CRELD2: variants seen among roughly 807,000 people sequenced by gnomAD.
The protein encoded by CRELD2 is CRELD disulfide isomerase 2.
CRELD2 carries 33 observed loss-of-function variants against 48.1 expected under a neutral mutation model. The observed-to-expected ratio is 0.69, with a 90% CI of 0.52 to 0.92. CRELD2 has a LOEUF of 0.92. CRELD2 is among the 40% of genes least tolerant of loss of function. The probability of loss-of-function intolerance (pLI) is 0.00; values close to 1 mark genes in which losing one functional copy is unlikely to be tolerated. For missense variants in CRELD2, 477 were observed against 482.4 expected (o/e 0.99, Z 0.10); for synonymous variants, 220 against 203.9 (o/e 1.08, Z -0.67).
In CRELD2 at chr22:49,922,995, G is replaced by A. The variant is rs148937327; in HGVS notation, c.689-239G>A. Among the ~76,000 whole-genome samples, 1,467 of 150,910 alleles carry A rather than the reference G, an allele frequency of 9.7e-3. 14 individuals carry two copies. The highest frequency in any genetic ancestry group is 0.068 in the South Asian group (321 of 4,740). On this transcript the variant is annotated intron_variant, in intron 6 of 9. Coordinates refer to ENST00000328268, the MANE Select transcript of CRELD2 (RefSeq NM_024324.5). Reference sequence around the variant, plus strand: ...CAATGTGTCGCCATCCTCATGGGGCGCCTGCCCCGGTTGGCACTGAGTGTC... The same window carrying A: ...CAATGTGTCGCCATCCTCATGGGGCACCTGCCCCGGTTGGCACTGAGTGTC...
chr22:49,918,680 G>T lies in CRELD2; in HGVS notation c.-90G>T, dbSNP rs1039861090. 4.1e-5 allele frequency: 18 copies of T among 435,088 alleles called. No individual in the cohort carries two copies. The East Asian group carries it at 5.2e-4, about 13-fold the overall frequency. The allele number at this position is 435,088 out of a possible 1,614,324, so 27.0% of individuals were successfully genotyped here. ...AGTAGCCTGGGGGACAGGCCGGCGC[G>T]GCTGGGAGCGGGTGGGCGGCCGGGA... On this transcript the variant is annotated 5_prime_UTR_variant, in exon 1 of 10. Transcript: ENST00000328268.
At chr22:49,920,985 CAT>C (rs1185594918) in intron 4 of CRELD2, among the ~76,000 whole-genome samples, 1 of 152,250 alleles carries the variant, frequency 6.6e-6, no homozygotes, top group East Asian at 1.9e-4. Context: ...AAAGTGCAGT[CAT>C]GTGTAACGAC....
At position 49,924,423 on chromosome 22, in the gene CRELD2, C is replaced by A. The variant is rs144134058; in HGVS notation, c.836C>A (p.Ser279Tyr). ...CCAGGAAACTGTAAAGAGTGTATCT[C>A]TGGCTACGCGAGGGAGCACGGACAG... ...EGPGNCKECI[S>Y]GYAREHGQCA... Residue 279 changes from serine to tyrosine, a missense_variant, in exon 8 of 10, where the codon TCT (serine) becomes TAT (tyrosine). Ser to Tyr is a moderately radical substitution (Grantham distance 144). Transcript: ENST00000328268. 17 of 1,611,728 alleles carry A rather than the reference C, an allele frequency of 1.1e-5. No homozygotes were observed. The African/African-American group carries it at 2.3e-4, about 21-fold the overall frequency.
intron 7 of CRELD2, chr22:49,924,129 G>C (rs2060732035): frequency 4.8e-6 from 2 of 417,546 alleles, no homozygotes; most frequent in Admixed American, 7.9e-5. Context: ...TTCTCCCAAA[G>C]AGTTCCAAGC....
intron 5 of CRELD2, chr22:49,922,323 C>A (rs73891177): frequency 8.1e-7 from 1 of 1,236,938 alleles, no homozygotes; most frequent in Admixed American, 2.0e-5. Flanking sequence ...CGATTCTTAC[C>A]CGCCTTGCTG....
intron 9 of CRELD2, among the ~76,000 whole-genome samples, 163 bp from the exon 10 acceptor site, chr22:49,927,092 G>A (rs1320405218): frequency 1.3e-5 from 2 of 151,114 alleles, no homozygotes; most frequent in African/African-American, 4.9e-5. Context: ...CATCTGCTTT[G>A]TGGGAAACGG....
intron 9 of CRELD2, 30 bp from the exon 10 acceptor site, chr22:49,927,225 C>A: frequency 1.2e-6 from 2 of 1,608,300 alleles, no homozygotes; most frequent in South Asian, 1.1e-5. Context: ...TTGTGCTCAG[C>A]CTTGACGACC....
Position 49,924,192 on chromosome 22 carries a change from G to A in CRELD2, c.773-168G>A, listed in dbSNP as rs1395185170. The A allele has an allele frequency of 2.5e-5, 14 of 556,034 alleles. 1 individual carries two copies. The South Asian group carries it at 2.8e-4, about 11-fold the overall frequency. The allele number at this position is 556,034 out of a possible 1,614,324, so 34.4% of individuals were successfully genotyped here. On this transcript the variant is annotated intron_variant, in intron 7 of 9. Coordinates refer to ENST00000328268, the MANE Select transcript of CRELD2 (RefSeq NM_024324.5). Reference sequence around the variant, plus strand: ...GAGCACCTGCTGCACAGCAGGACGCGAGTCTGTGCTTTTGCCGGGAGACAG... The same window carrying A: ...GAGCACCTGCTGCACAGCAGGACGCAAGTCTGTGCTTTTGCCGGGAGACAG...
rs1284232250 is a variant in CRELD2, at chr22:49,925,685, G to A, written c.1009+128G>A. Reference sequence around the variant, plus strand: ...TGAGATGGTGAGAGGGGGATTCCCGGAAGACAGGTGCATGACATCTCTGTG... The same window carrying A: ...TGAGATGGTGAGAGGGGGATTCCCGAAAGACAGGTGCATGACATCTCTGTG... On this transcript the variant is annotated intron_variant, in intron 9 of 9. Transcript: ENST00000328268. The A allele has an allele frequency of 5.9e-6, 9 of 1,517,418 alleles. No individual in the cohort carries two copies. The African/African-American group carries it at 1.2e-4, about 21-fold the overall frequency. 94.0% of individuals were successfully genotyped at this position (1,517,418 alleles called of 1,614,324 possible). A position where few individuals can be genotyped will look rare whatever the true frequency, so the allele number is the denominator to read the frequency against.
Position 49,918,812 on chromosome 22 carries a change from C to G in CRELD2, c.43C>G (p.Leu15Val). ...RRAALGLLPL[L>V]LLLPPAPEAA... is the part of the protein sequence containing the mutation. Reference sequence around the variant, plus strand: ...GGCCGCGCTGGGGCTCCTGCCGCTTCTGCTGCTGCTGCCGCCCGCGCCGGA... The same window carrying G: ...GGCCGCGCTGGGGCTCCTGCCGCTTGTGCTGCTGCTGCCGCCCGCGCCGGA... Residue 15 changes from leucine (L) to valine (V), a missense_variant, in exon 1 of 10, where the codon CTG becomes GTG. By Grantham distance (32) the Leu-to-Val change is conservative (BLOSUM62 1). Transcript: ENST00000328268. 1 of 1,319,850 alleles carries G rather than the reference C, an allele frequency of 7.6e-7. No homozygotes were observed. The highest frequency in any genetic ancestry group is 2.0e-5 in the South Asian group (1 of 50,178). The allele number at this position is 1,319,850 out of a possible 1,614,324, so 81.8% of individuals were successfully genotyped here.
At position 49,923,332 on chromosome 22, in the gene CRELD2, C is replaced by CGGGTCTGCACTCCG; in HGVS notation, c.772+19_772+32dup. On this transcript the variant is annotated intron_variant, in intron 7 of 9. Transcript: ENST00000328268. ...CACGTGCGAAGGTGGGCCAGGCGGG[C>CGGGTCTGCACTCCG]GGGTCTGCACTCCGGGGCCTGCCGG... 3 of 1,383,014 alleles carry CGGGTCTGCACTCCG rather than the reference C, an allele frequency of 2.2e-6. No homozygotes were observed. The highest frequency in any genetic ancestry group is 1.5e-5 in the South Asian group (1 of 65,708). The allele number at this position is 1,383,014 out of a possible 1,614,324, so 85.7% of individuals were successfully genotyped here.
In CRELD2 at chr22:49,920,224, G is replaced by A; in HGVS notation, c.392G>A (p.Gly131Glu). 3 of 1,612,460 alleles carry A rather than the reference G, an allele frequency of 1.9e-6. No homozygotes were observed. Among genetic ancestry groups the A allele is most frequent in the Non-Finnish European group, 2.5e-6 (3 of 1,179,066 alleles). Residue 131 changes from glycine to glutamate, a missense_variant, in exon 4 of 10, where the codon GGA becomes GAA. Physicochemically the swap from Gly to Glu is moderately conservative, Grantham distance 98 (BLOSUM62 -2). Transcript: ENST00000328268. ...VKTLKVCCSP[G>E]TYGPDCLACQ... ...ACACTGAAAGTGTGCTGCTCTCCAG[G>A]AACCTACGGTCCCGACTGTCTCGGT...
chr22:49,920,870 G>A (rs571664737), intron 4 of CRELD2, among the ~76,000 whole-genome samples: 3 of 152,328 alleles, frequency 2.0e-5, no homozygotes, highest in African/African-American at 7.2e-5. Flanking sequence ...TCCCTGGCAT[G>A]CACTGGAGGC....
rs1457061372 is a variant in CRELD2 at position 49,927,452 on chromosome 22, G to A, written c.*145G>A. Reference sequence around the variant, plus strand: ...ATTCTCATTTGTCCCTTAAACAGCTGCATTTCTTGGTTGTTCTTAAACAGA... The same window carrying A: ...ATTCTCATTTGTCCCTTAAACAGCTACATTTCTTGGTTGTTCTTAAACAGA... On this transcript the variant is annotated 3_prime_UTR_variant, in exon 10 of 10. Coordinates refer to ENST00000328268, the MANE Select transcript of CRELD2 (RefSeq NM_024324.5). 1 of 676,270 alleles carries A rather than the reference G, an allele frequency of 1.5e-6. No homozygotes were observed. The highest frequency in any genetic ancestry group is 2.6e-5 in the East Asian group (1 of 38,274). 41.9% of individuals were successfully genotyped at this position (676,270 alleles called of 1,614,324 possible). A position where few individuals can be genotyped will look rare whatever the true frequency, so the allele number is the denominator to read the frequency against.
intron 7 of CRELD2, chr22:49,924,153 C>A: frequency 2.0e-6 from 1 of 499,230 alleles, no homozygotes; most frequent in Non-Finnish European, 3.6e-6. Context: ...GTGGTCTGCA[C>A]CATGGCTCTC....
intron 7 of CRELD2, chr22:49,924,074 C>A (rs774204168): frequency 7.0e-6 from 2 of 287,656 alleles, no homozygotes; most frequent in African/African-American, 4.4e-5. Context: ...CAATGGTCAC[C>A]GAGCTGGAGG....
chr22:49,922,152 C>T, intron 5 of CRELD2: 1 of 929,740 alleles, frequency 1.1e-6, no homozygotes, highest in Non-Finnish European at 1.6e-6. Flanking sequence ...CGTTTTCTCC[C>T]TGGTTGTCAC....
chr22:49,924,230 A>G, intron 7 of CRELD2, 130 bp from the exon 8 acceptor site: 1 of 621,806 alleles, frequency 1.6e-6, no homozygotes, highest in Non-Finnish European at 2.9e-6. Context: ...ACAGATCGTT[A>G]TAAAGTCACT....
Position 49,925,424 on chromosome 22 carries a change from C to T in CRELD2, c.876C>T (p.Asp292=), listed in dbSNP as rs145071099. 5.0e-6 allele frequency: 8 copies of T among 1,602,564 alleles called. No homozygotes were observed. The highest frequency in any genetic ancestry group is 1.7e-5 in the Admixed American group (1 of 59,492). Residue 292 remains aspartate (D), a synonymous_variant, in exon 9 of 10, where the codon GAC becomes GAT. Coordinates refer to ENST00000328268, the MANE Select transcript of CRELD2 (RefSeq NM_024324.5). ...AREHGQCADV[D]ECSLAEKTCV... ...GGAGTCTTTTCATTTTAGATGTGGA[C>T]GAGTGCTCACTAGCAGAAAAAACCT...
Sources: allele counts gnomAD v4.1 joint callset (sites outside exome capture counted in the v4.1 genomes callset), GRCh38; gene constraint gnomAD v4.1.1; transcripts MANE v1.5; gene names NCBI Gene and HGNC (gene_info 2026-07-23, HGNC 2026-07-21).